PTPRN2: variants seen among roughly 807,000 people sequenced by gnomAD.
PTPRN2 encodes the protein receptor-type tyrosine-protein phosphatase N2.
PTPRN2 carries 74 observed loss-of-function variants against 118.8 expected under a neutral mutation model. The ratio of observed to expected loss-of-function variants is 0.62; its 90% CI spans 0.52 to 0.76. The LOEUF is 0.76. Among genes scored for constraint, PTPRN2 ranks in the 30% least tolerant of loss-of-function variants. PTPRN2 has a pLI of 0.00. For missense variants in PTPRN2, 1,481 were observed against 1,394.4 expected (o/e 1.06, Z -0.99); for synonymous variants, 641 against 608.0 (o/e 1.05, Z -0.80).
At chr7:158,131,531 A>G (rs377022198) in intron 9 of PTPRN2, among the ~76,000 whole-genome samples, 58 of 146,614 alleles carry the variant, frequency 4.0e-4, no homozygotes, top group African/African-American at 1.4e-3. Flanking sequence ...ACACACTCAT[A>G]CACACACACG....
At chr7:157,595,670 C>T (rs141985654) in intron 16 of PTPRN2, among the ~76,000 whole-genome samples, 9 of 135,762 alleles carry the variant, frequency 6.6e-5, no homozygotes, top group Admixed American at 8.5e-5. Context: ...TTAGGGAGCC[C>T]AGAGGTTAGG....
chr7:158,506,267 G>A lies in PTPRN2; in HGVS notation c.113-16482C>T, dbSNP rs73528631. On this transcript the variant is annotated intron_variant, in intron 1 of 22. Transcript: ENST00000389418. Reference sequence around the variant, plus strand: ...ACACACAAGGAAGTCCCCTCTCCCCGGAGGTGCCAGACTCAGGTGGGGCTG... The same window carrying A: ...ACACACAAGGAAGTCCCCTCTCCCCAGAGGTGCCAGACTCAGGTGGGGCTG... Among the ~76,000 whole-genome samples, 223 of 152,300 alleles carry A rather than the reference G, an allele frequency of 1.5e-3. 3 individuals are homozygous for A. In the East Asian group the frequency reaches 0.024, roughly 16 times the overall value.
intron 13 of PTPRN2, among the ~76,000 whole-genome samples, chr7:157,673,270 T>C (rs549178406): frequency 1.3e-5 from 2 of 152,302 alleles, no homozygotes; most frequent in East Asian, 1.9e-4. Flanking sequence ...GTGATCTGCC[T>C]GCCTCGGCCT....
At chr7:157,830,634 CTAG>C (rs1395076395) in intron 12 of PTPRN2, among the ~76,000 whole-genome samples, 1 of 152,244 alleles carries the variant, frequency 6.6e-6, no homozygotes, top group Non-Finnish European at 1.5e-5. Context: ...GCATCTGAAT[CTAG>C]TAGTGTGGGG....
chr7:157,873,482 G>A (rs557734727), intron 12 of PTPRN2, among the ~76,000 whole-genome samples: 245 of 152,028 alleles, frequency 1.6e-3, no homozygotes, highest in African/African-American at 5.5e-3. Context: ...AGAACGTACC[G>A]TCCTCAAGGT....
At chr7:158,128,578 G>A (rs1176409061) in intron 9 of PTPRN2, among the ~76,000 whole-genome samples, 1 of 152,146 alleles carries the variant, frequency 6.6e-6, no homozygotes, top group Non-Finnish European at 1.5e-5. Context: ...AATGTGATAG[G>A]TCTCCTTCCC....
At chr7:158,223,449 A>C (rs779346737) in intron 3 of PTPRN2, among the ~76,000 whole-genome samples, 2 of 152,182 alleles carry the variant, frequency 1.3e-5, no homozygotes, top group African/African-American at 2.4e-5. Context: ...AAATCCAGCA[A>C]TATATGAAAA....
chr7:157,695,631 G>C (rs1272303544), intron 12 of PTPRN2, among the ~76,000 whole-genome samples: 1 of 152,342 alleles, frequency 6.6e-6, no homozygotes. Flanking sequence ...AGTTGGCATT[G>C]AGATAATTTA....
chr7:157,773,542 G>A (rs1803013217), intron 12 of PTPRN2, among the ~76,000 whole-genome samples: 1 of 152,212 alleles, frequency 6.6e-6, no homozygotes, highest in Admixed American at 6.5e-5. Flanking sequence ...CGAGGGCCAG[G>A]GGCCCCTATG....
At chr7:157,961,401 TAC>T (rs1801524681) in intron 11 of PTPRN2, among the ~76,000 whole-genome samples, 1 of 151,892 alleles carries the variant, frequency 6.6e-6, no homozygotes. Flanking sequence ...GGCATGGTGG[TAC>T]ACACCTGTAA....
At chr7:157,889,448 C>A (rs150362476) in intron 12 of PTPRN2, among the ~76,000 whole-genome samples, 19 of 152,320 alleles carry the variant, frequency 1.2e-4, no homozygotes, top group African/African-American at 4.6e-4. Flanking sequence ...AATCAGCATT[C>A]CCTCCTCATA....
chr7:158,331,275 CACCCGCA>C (rs1804379191), intron 2 of PTPRN2, among the ~76,000 whole-genome samples: 1 of 142,338 alleles, frequency 7.0e-6, no homozygotes, highest in Non-Finnish European at 1.6e-5. Context: ...TAAGAGCTGA[CACCCGCA>C]GACGTCACTC....
chr7:157,564,275 C>T (rs1585037786), intron 21 of PTPRN2, among the ~76,000 whole-genome samples: 2 of 152,200 alleles, frequency 1.3e-5, no homozygotes, highest in Non-Finnish European at 2.9e-5. Context: ...TCTGCCACCA[C>T]ACCTGGCTAA....
chr7:158,390,316 A>C (rs143543452), intron 2 of PTPRN2, among the ~76,000 whole-genome samples: 568 of 152,364 alleles, frequency 3.7e-3, no homozygotes, highest in Middle Eastern at 0.01. Flanking sequence ...AACTCGACTA[A>C]GAAGTTATTC....
At chr7:157,980,799 C>T (rs1225350067) in intron 11 of PTPRN2, among the ~76,000 whole-genome samples, 1 of 152,216 alleles carries the variant, frequency 6.6e-6, no homozygotes, top group Admixed American at 6.5e-5. Flanking sequence ...ATTAGCATCA[C>T]ATCTGCCCAC....
At chr7:157,854,367 C>T (rs775101956) in intron 12 of PTPRN2, among the ~76,000 whole-genome samples, 47 of 152,250 alleles carry the variant, frequency 3.1e-4, no homozygotes, top group Admixed American at 7.2e-4. Context: ...TCCAGCTGTG[C>T]AATCGGCACA....
chr7:158,057,892 C>T (rs1045299973), intron 11 of PTPRN2, among the ~76,000 whole-genome samples: 19 of 152,354 alleles, frequency 1.2e-4, no homozygotes, highest in Non-Finnish European at 4.4e-5. Context: ...TTAAAGTCCT[C>T]AGGTCTACGA....
chr7:157,636,416 AAAC>A (rs1012537428), intron 14 of PTPRN2, among the ~76,000 whole-genome samples: 9 of 152,250 alleles, frequency 5.9e-5, no homozygotes, highest in Non-Finnish European at 8.8e-5. Context: ...CAGTTAAAAA[AAAC>A]AACAACAACA....
At chr7:158,375,428 G>T (rs1238253247) in intron 2 of PTPRN2, among the ~76,000 whole-genome samples, 1 of 152,226 alleles carries the variant, frequency 6.6e-6, no homozygotes, top group Non-Finnish European at 1.5e-5. Context: ...TCAAGCTCCT[G>T]GTGTGGCCAA....
Sources: allele counts gnomAD v4.1 joint callset (sites outside exome capture counted in the v4.1 genomes callset), GRCh38; gene constraint gnomAD v4.1.1; transcripts MANE v1.5; gene names NCBI Gene and HGNC (gene_info 2026-07-23, HGNC 2026-07-21).